GRIK1: variants seen among roughly 807,000 people sequenced by gnomAD.
GRIK1 encodes the protein glutamate ionotropic receptor kainate type subunit 1.
Under a neutral mutation model 105.7 loss-of-function variants are expected in GRIK1, and 69 were observed. The ratio of observed to expected loss-of-function variants is 0.65; its 90% confidence interval spans 0.54 to 0.80. The LOEUF is 0.80. GRIK1 is among the 30% of genes least tolerant of loss of function. The probability of loss-of-function intolerance (pLI) is 0.00; values close to 1 mark genes in which losing one functional copy is unlikely to be tolerated. For missense variants in GRIK1, 1,109 were observed against 1,167.3 expected, an observed-to-expected ratio of 0.95 and a Z score of 0.73; for synonymous variants, 438 against 431.3, an observed-to-expected ratio of 1.02 and a Z score of -0.19.
intron 14 of GRIK1, among the ~76,000 whole-genome samples, chr21:29,569,002 G>A (rs903202092): frequency 1.3e-5 from 2 of 152,094 alleles, no homozygotes; most frequent in African/African-American, 4.8e-5. Context: ...TAAGTGCTTC[G>A]GCATATGCAA....
At chr21:29,857,000 G>T (rs923494535) in intron 1 of GRIK1, among the ~76,000 whole-genome samples, 5 of 152,180 alleles carry the variant, frequency 3.3e-5, no homozygotes, top group African/African-American at 4.8e-5. Flanking sequence ...GAGAGCTAAG[G>T]TGGGGGACAG....
At chr21:29,889,657 G>A (rs554648768) in intron 1 of GRIK1, among the ~76,000 whole-genome samples, 1 of 151,988 alleles carries the variant, frequency 6.6e-6, no homozygotes, top group African/African-American at 2.4e-5. Flanking sequence ...CTAAATTACT[G>A]CCCAGTAAGG....
chr21:29,724,241 C>G (rs1447727068), intron 1 of GRIK1, among the ~76,000 whole-genome samples: 3 of 152,176 alleles, frequency 2.0e-5, no homozygotes, highest in African/African-American at 7.2e-5. Flanking sequence ...GCAACTGATT[C>G]ATTTTTATGA....
At chr21:29,599,395 C>T (rs73350403) in intron 7 of GRIK1, among the ~76,000 whole-genome samples, 1,902 of 152,214 alleles carry the variant, frequency 0.012, 45 homozygotes, top group African/African-American at 0.044. Context: ...TATGACTTAG[C>T]GTGTTTGCAC....
At chr21:29,613,991 A>C (rs1249739917) in intron 7 of GRIK1, among the ~76,000 whole-genome samples, 1 of 152,172 alleles carries the variant, frequency 6.6e-6, no homozygotes, top group Non-Finnish European at 1.5e-5. Context: ...GTTTGCCCCC[A>C]AAGATCCTAG....
chr21:29,694,015 A>G lies in GRIK1; in HGVS notation c.167T>C (p.Leu56Ser). 1.2e-6 allele frequency: 2 copies of G among 1,612,890 alleles called. No individual in the cohort carries two copies. The highest frequency in any genetic ancestry group is 1.7e-6 in the Non-Finnish European group (2 of 1,178,920). Residue 56 changes from leucine to serine, a missense_variant, in exon 2 of 18, where the codon TTA becomes TCA. By Grantham distance (145) the Leu-to-Ser change is moderately radical (BLOSUM62 -2). Around this residue, in one of 5 missense-constraint regions of GRIK1, gnomAD observed 612 missense variants for 586.0 expected, o/e 1.04. Transcript: ENST00000327783. ...VENEPVNVEE[L>S]AFKFAVTSIN... ...GCTGGTGACTGCAAACTTGAAAGCTAATTCTTCAACATTAACAGGCTCATT... is the reference window on the plus strand; with the variant it reads ...GCTGGTGACTGCAAACTTGAAAGCTGATTCTTCAACATTAACAGGCTCATT...
chr21:29,723,183 G>T (rs192437396), intron 1 of GRIK1, among the ~76,000 whole-genome samples: 1 of 152,256 alleles, frequency 6.6e-6, no homozygotes, highest in Admixed American at 6.5e-5. Context: ...AAAATTTATA[G>T]TTTGGAAATG....
chr21:29,655,347 G>C (rs1231492712), intron 4 of GRIK1, among the ~76,000 whole-genome samples: 4 of 152,024 alleles, frequency 2.6e-5, no homozygotes, highest in Non-Finnish European at 5.9e-5. Context: ...GGCGGAGGTT[G>C]CAGTGAGCCC....
intron 1 of GRIK1, among the ~76,000 whole-genome samples, chr21:29,775,838 G>C (rs1410970684): frequency 6.6e-6 from 1 of 152,060 alleles, no homozygotes; most frequent in Admixed American, 6.6e-5. Flanking sequence ...AGATTTAAAG[G>C]CGCTAAACCT....
intron 1 of GRIK1, among the ~76,000 whole-genome samples, chr21:29,789,920 T>C (rs1248689793): frequency 6.6e-6 from 1 of 152,216 alleles, no homozygotes; most frequent in Non-Finnish European, 1.5e-5. Context: ...GAATTGATCA[T>C]GCCCATAAGC....
At chr21:29,826,495 C>T (rs2067461234) in intron 1 of GRIK1, among the ~76,000 whole-genome samples, 1 of 152,074 alleles carries the variant, frequency 6.6e-6, no homozygotes, top group Admixed American at 6.6e-5. Flanking sequence ...AGAAAAAAGA[C>T]TGACCCCCTT....
Position 29,933,909 on chromosome 21 carries a change from CAT to C in GRIK1, c.118+5472_118+5473del, listed in dbSNP as rs1754376288. 2.6e-5 allele frequency among the ~76,000 whole-genome samples: 4 copies of C among 152,220 alleles called. No individual in the cohort carries two copies. In the South Asian group the frequency reaches 8.3e-4, roughly 32 times the overall value. On this transcript the variant is annotated intron_variant, in intron 1 of 17. Coordinates refer to ENST00000327783, the MANE Select transcript of GRIK1 (RefSeq NM_001330994.2). ...AGAACATAAATAATATATCCTATGA[CAT>C]ATGGATAATTATCAGTGAAACAACA...
chr21:29,683,472 C>A (rs1174335687), intron 3 of GRIK1, among the ~76,000 whole-genome samples: 2 of 152,224 alleles, frequency 1.3e-5, no homozygotes, highest in Admixed American at 1.3e-4. Context: ...ATGTCCTTTG[C>A]AGCAACATGG....
intron 1 of GRIK1, among the ~76,000 whole-genome samples, chr21:29,844,020 G>C (rs2068047809): frequency 6.6e-6 from 1 of 152,192 alleles, no homozygotes; most frequent in South Asian, 2.1e-4. Flanking sequence ...TCTGACAGGA[G>C]AGTGACAGCG....
At chr21:29,584,745 G>GT (rs1373979126) in intron 12 of GRIK1, among the ~76,000 whole-genome samples, 1 of 152,114 alleles carries the variant, frequency 6.6e-6, no homozygotes, top group African/African-American at 2.4e-5. Flanking sequence ...GAAATTTACT[G>GT]TTTTTCATGT....
At chr21:29,759,308 G>A (rs546822411) in intron 1 of GRIK1, among the ~76,000 whole-genome samples, 78 of 151,896 alleles carry the variant, frequency 5.1e-4, no homozygotes, top group Non-Finnish European at 7.4e-4. Flanking sequence ...TAGTAGAGAC[G>A]GGGTTTCACC....
chr21:29,572,499 G>C (rs1489803514), intron 14 of GRIK1, among the ~76,000 whole-genome samples: 2 of 151,902 alleles, frequency 1.3e-5, no homozygotes, highest in Non-Finnish European at 2.9e-5. Flanking sequence ...ACCTCTCCCA[G>C]AGTTTACTTT....
intron 4 of GRIK1, among the ~76,000 whole-genome samples, chr21:29,665,114 C>T (rs531332008): frequency 1.3e-5 from 2 of 152,242 alleles, no homozygotes; most frequent in African/African-American, 2.4e-5. Flanking sequence ...TGGTTTTTCT[C>T]GCTTCCCAAT....
At chr21:29,819,278 C>A (rs2067235351) in intron 1 of GRIK1, among the ~76,000 whole-genome samples, 1 of 152,092 alleles carries the variant, frequency 6.6e-6, no homozygotes, top group Non-Finnish European at 1.5e-5. Flanking sequence ...GCTTGAAGCT[C>A]TCACACACTG....
Sources: allele counts gnomAD v4.1 joint callset (sites outside exome capture counted in the v4.1 genomes callset), GRCh38; gene constraint gnomAD v4.1.1; regional missense constraint gnomAD v4.1.1; transcripts MANE v1.5; gene names NCBI Gene and HGNC (gene_info 2026-07-23, HGNC 2026-07-21).